The following DMXL1 variants were observed in gnomAD, a reference collection of about 807,000 sequenced individuals.
DMXL1 encodes the protein dmX-like protein 1.
In DMXL1, 99 loss-of-function variants were observed where a neutral mutation model predicts 319.2. That is an observed-to-expected ratio of 0.31 (90% CI 0.26 to 0.37). The LOEUF is 0.37. Ranked by LOEUF, DMXL1 falls within the 10% of genes least tolerant of loss-of-function variation. DMXL1 has a pLI of 1.00. For synonymous variants in DMXL1, 1,385 were observed against 1,235.2 expected (o/e 1.12, Z -2.54); for missense variants, 3,745 against 3,595.6 (o/e 1.04, Z -1.06).
chr5:119,111,355 A>G (rs1437587077), intron 5 of DMXL1, among the ~76,000 whole-genome samples: 1 of 152,226 alleles, frequency 6.6e-6, no homozygotes, highest in Non-Finnish European at 1.5e-5. Flanking sequence ...AAAATTTAGT[A>G]TTAAAAATAG....
chr5:119,215,216 T>C (rs1783468493), intron 34 of DMXL1, among the ~76,000 whole-genome samples: 1 of 152,224 alleles, frequency 6.6e-6, no homozygotes, highest in Admixed American at 6.5e-5. Context: ...ATCTGGCAAC[T>C]GATTTTTGTT....
At chr5:119,081,477 A>T (rs1402670827) in intron 1 of DMXL1, 1 of 751,990 alleles carries the variant, frequency 1.3e-6, no homozygotes, top group African/African-American at 1.9e-5. Flanking sequence ...TAATGTGTAA[A>T]AACTGCTTGA....
intron 9 of DMXL1, among the ~76,000 whole-genome samples, chr5:119,124,104 T>C (rs1394815247): frequency 1.3e-5 from 2 of 148,820 alleles, no homozygotes; most frequent in African/African-American, 5.0e-5. Context: ...AGGCCAGGAG[T>C]TCAAGACCAG....
chr5:119,110,207 G>C lies in DMXL1; in HGVS notation c.421G>C (p.Glu141Gln). 1 of 1,589,870 alleles carries C rather than the reference G, an allele frequency of 6.3e-7. No individual in the cohort carries two copies. Among genetic ancestry groups the C allele is most frequent in the African/African-American group, 1.4e-5 (1 of 73,348 alleles). ...GCAACTCTGGTCCAATACTAACTTG[G>C]AGAAGCCAACTGAAGATGAAAATTT... ...YLQLWSNTNL[E>Q]KPTEDENLNK... The change falls in exon 5 of 44, where the codon GAG becomes CAG. Residue 141 changes from glutamate (E) to glutamine (Q), a missense_variant. By Grantham distance (29) the Glu-to-Gln change is conservative (BLOSUM62 2). This residue lies in a region of DMXL1 where 2,096 missense variants were observed against 1,985.4 expected (regional missense o/e 1.06). Transcript: ENST00000539542.
intron 18 of DMXL1, among the ~76,000 whole-genome samples, chr5:119,150,868 C>T (rs1014936295): frequency 6.6e-5 from 10 of 151,566 alleles, no homozygotes; most frequent in East Asian, 3.9e-4. Flanking sequence ...TTTTTCCCCC[C>T]GAGACTATCA....
At chr5:119,115,395 A>G (rs556319327) in intron 6 of DMXL1, among the ~76,000 whole-genome samples, 9 of 152,300 alleles carry the variant, frequency 5.9e-5, no homozygotes, top group East Asian at 3.9e-4. Flanking sequence ...TTTTAAAGCA[A>G]TGTATTTCTT....
intron 1 of DMXL1, chr5:119,081,572 A>G (rs1469739989): frequency 1.8e-5 from 18 of 985,238 alleles, no homozygotes; most frequent in Non-Finnish European, 2.0e-5. Flanking sequence ...TTGTTTTTAT[A>G]GGAGGAATAA....
intron 40 of DMXL1, chr5:119,238,775 G>A (rs756661028): frequency 1.4e-5 from 7 of 490,442 alleles, no homozygotes; most frequent in Non-Finnish European, 1.6e-5. Context: ...CAAAACAAAT[G>A]TGCCAAAATG....
intron 4 of DMXL1, among the ~76,000 whole-genome samples, chr5:119,106,783 C>G (rs1044597311): frequency 6.6e-6 from 1 of 152,010 alleles, no homozygotes; most frequent in African/African-American, 2.4e-5. Context: ...AATGCCTTTT[C>G]CATAGTAGGT....
At position 119,170,837 on chromosome 5, in the gene DMXL1, C is replaced by T. The variant is rs956097377; in HGVS notation, c.6046C>T (p.Leu2016Phe). Residue 2016 changes from leucine to phenylalanine, a missense_variant, in exon 24 of 44, where the codon CTT becomes TTT. Physicochemically the swap from Leu to Phe is conservative, Grantham distance 22. Transcript: ENST00000539542. ...TTTCAGCACACTAGATGAAAATGAC[C>T]TTTTAAATCCATCAGAAGATATAAT... The part of the protein sequence containing the change: ...ESFSTLDEND[L>F]LNPSEDIIAV... The T allele has an allele frequency of 6.2e-7, 1 of 1,611,410 alleles. No individual in the cohort carries two copies. The highest frequency in any genetic ancestry group is 8.5e-7 in the Non-Finnish European group (1 of 1,179,380).
At chr5:119,123,346 AGAG>A (rs1355099472) in intron 9 of DMXL1, among the ~76,000 whole-genome samples, 7 of 106,354 alleles carry the variant, frequency 6.6e-5, no homozygotes, top group Non-Finnish European at 1.2e-4. Context: ...AGGGAGAGGG[AGAG>A]GAGGGAGAGG....
At chr5:119,177,028 T>C (rs771212954) in intron 26 of DMXL1, among the ~76,000 whole-genome samples, 9 of 152,164 alleles carry the variant, frequency 5.9e-5, no homozygotes, top group Non-Finnish European at 1.0e-4. Context: ...CCATTATACA[T>C]GAAAGTGAGC....
chr5:119,088,176 A>G (rs1753797266), intron 1 of DMXL1, among the ~76,000 whole-genome samples: 1 of 152,152 alleles, frequency 6.6e-6, no homozygotes, highest in Non-Finnish European at 1.5e-5. Flanking sequence ...CTATTTCTGG[A>G]TTGACTGCTT....
intron 40 of DMXL1, 112 bp from the exon 41 acceptor site, chr5:119,238,875 TAC>T: frequency 6.7e-7 from 1 of 1,485,966 alleles, no homozygotes; most frequent in Non-Finnish European, 8.9e-7. Flanking sequence ...AAAAAAACGA[TAC>T]AGAGGATTTA....
intron 5 of DMXL1, among the ~76,000 whole-genome samples, chr5:119,112,699 G>A (rs1172041564): frequency 6.6e-6 from 1 of 152,204 alleles, no homozygotes; most frequent in Non-Finnish European, 1.5e-5. Flanking sequence ...GCTCACGCCT[G>A]TAATCTGAAC....
Position 119,178,252 on chromosome 5 carries a change from T to C in DMXL1, c.7135+8T>C. 3 of 1,608,672 alleles carry C rather than the reference T, an allele frequency of 1.9e-6. No individual in the cohort carries two copies. On this transcript the variant is annotated splice_region_variant and intron_variant, in intron 28 of 43. Coordinates refer to ENST00000539542, the MANE Select transcript of DMXL1 (RefSeq NM_001290321.3). Reference sequence around the variant, plus strand: ...ATTCAAAAACTTTACCTGGTGAGTTTAAAAAATTTTTTTAGGACTGAAGCT... The same window carrying C: ...ATTCAAAAACTTTACCTGGTGAGTTCAAAAAATTTTTTTAGGACTGAAGCT...
At chr5:119,080,201 G>T (rs1018728735) in intron 1 of DMXL1, among the ~76,000 whole-genome samples, 1 of 150,466 alleles carries the variant, frequency 6.6e-6, no homozygotes, top group Non-Finnish European at 1.5e-5. Context: ...CAAAAAATTA[G>T]CCAGGTGTGG....
chr5:119,203,567 T>C (rs1781206229), intron 33 of DMXL1, 131 bp downstream of exon 33: 1 of 382,166 alleles, frequency 2.6e-6, no homozygotes, highest in African/African-American at 2.1e-5. Flanking sequence ...AATTAATGCT[T>C]AGAACAGTGT....
intron 34 of DMXL1, among the ~76,000 whole-genome samples, chr5:119,209,919 TTC>T (rs1471135557): frequency 1.3e-5 from 2 of 152,208 alleles, no homozygotes; most frequent in Admixed American, 1.3e-4. Flanking sequence ...TGCAAATATT[TTC>T]TCTTACTCTA....
Sources: allele counts gnomAD v4.1 joint callset (sites outside exome capture counted in the v4.1 genomes callset), GRCh38; gene constraint gnomAD v4.1.1; regional missense constraint gnomAD v4.1.1; transcripts MANE v1.5; gene names NCBI Gene and HGNC (gene_info 2026-07-23, HGNC 2026-07-21).